CLECL1: variants seen among roughly 807,000 people sequenced by gnomAD.
CLECL1 encodes C-type lectin like 1, also known as C-type lectin-like domain family 1.
At chr12:9,711,063 A>G (rs1591713230), downstream of CLECL1, among the ~76,000 whole-genome samples, 1 of 152,174 alleles carries the variant, frequency 6.6e-6, no homozygotes, top group East Asian at 1.9e-4. Flanking sequence ...GAGCAAAACT[A>G]AAAGAGCACA....
the CLECL1 span, among the ~76,000 whole-genome samples, chr12:9,707,740 C>A: frequency 6.6e-6 from 1 of 152,196 alleles, no homozygotes; most frequent in African/African-American, 2.4e-5. Flanking sequence ...ATGGGGTCTG[C>A]TTTTCTTCCA....
At position 9,716,905 on chromosome 12, in the gene CLECL1, A is replaced by G. The variant is rs1343486059; in HGVS notation, n.153-129T>C. 7 of 420,124 alleles carry G rather than the reference A, an allele frequency of 1.7e-5. No homozygotes were observed. The East Asian group carries it at 3.5e-4, about 21-fold the overall frequency. 26.0% of individuals were successfully genotyped at this position (420,124 alleles called of 1,614,324 possible). A position where few individuals can be genotyped will look rare whatever the true frequency, so the allele number is the denominator to read the frequency against. On this transcript the variant is annotated intron_variant and non_coding_transcript_variant, in intron 2 of 2. Transcript: ENST00000540988. The stretch of plus-strand genomic sequence containing the variant: ...AGACTCCATCTTAGAATCACATGAG[A>G]AGTAAACCACACCCCCACGTCCTTC...
chr12:9,714,168 G>A (rs1866217745), downstream of CLECL1, among the ~76,000 whole-genome samples: 1 of 152,240 alleles, frequency 6.6e-6, no homozygotes, highest in African/African-American at 2.4e-5. Context: ...GGTTGAGCAT[G>A]TAGATGGGGG....
At chr12:9,719,725 G>T (rs1270416916), downstream of CLECL1, among the ~76,000 whole-genome samples, 2 of 152,118 alleles carry the variant, frequency 1.3e-5, no homozygotes, top group Non-Finnish European at 2.9e-5. Context: ...GTGAGATCCT[G>T]TCTCTAAAAA....
downstream of CLECL1, among the ~76,000 whole-genome samples, chr12:9,721,218 CT>C (rs113130897): frequency 2.1e-4 from 31 of 149,680 alleles, no homozygotes; most frequent in East Asian, 3.9e-4. Flanking sequence ...ACTAATAATC[CT>C]TTTTTTTTTC....
At chr12:9,723,606 T>C (rs1452571838) in intron 3 of CLECL1, among the ~76,000 whole-genome samples, 1 of 152,154 alleles carries the variant, frequency 6.6e-6, no homozygotes, top group East Asian at 1.9e-4. Flanking sequence ...TAGTCCCATG[T>C]AGAGTGAGTA....
At chr12:9,729,961 A>G (rs191407757) in intron 1 of CLECL1, among the ~76,000 whole-genome samples, 1 of 152,238 alleles carries the variant, frequency 6.6e-6, no homozygotes, top group Admixed American at 6.5e-5. Context: ...TTTATATAAG[A>G]CTGTGAAACC....
At chr12:9,708,925 T>C in the CLECL1 span, 4 of 266,692 alleles carry the variant, frequency 1.5e-5, no homozygotes, top group South Asian at 2.1e-4. Context: ...CTGGAGTGTA[T>C]CCTGAACCAT....
intron 3 of CLECL1, among the ~76,000 whole-genome samples, chr12:9,725,856 A>G (rs1866372937): frequency 6.6e-6 from 1 of 152,108 alleles, no homozygotes; most frequent in Admixed American, 6.5e-5. Flanking sequence ...ATGAATTCAA[A>G]GGGCAAGGTG....
At chr12:9,727,945 ATTACT>A (rs1226281856) in intron 2 of CLECL1, among the ~76,000 whole-genome samples, 2 of 151,840 alleles carry the variant, frequency 1.3e-5, no homozygotes, top group African/African-American at 4.8e-5. Context: ...AGCTGTCATA[ATTACT>A]TTAATAAGGA....
chr12:9,719,269 G>GT (rs1866278799), downstream of CLECL1, among the ~76,000 whole-genome samples: 1 of 152,230 alleles, frequency 6.6e-6, no homozygotes, highest in Non-Finnish European at 1.5e-5. Context: ...GCTCACGCTT[G>GT]TAATCCCAGT....
chr12:9,727,396 A>G (rs1170342584), intron 3 of CLECL1, among the ~76,000 whole-genome samples: 1 of 151,766 alleles, frequency 6.6e-6, no homozygotes, highest in South Asian at 2.1e-4. Flanking sequence ...GGCCCTTTAC[A>G]TGTTAATATT....
chr12:9,729,909 AG>A (rs1866426325), intron 1 of CLECL1, among the ~76,000 whole-genome samples: 1 of 152,012 alleles, frequency 6.6e-6, no homozygotes, highest in African/African-American at 2.4e-5. Flanking sequence ...TATATTCCCC[AG>A]TATTGATCTT....
At chr12:9,708,406 A>C in the CLECL1 span, among the ~76,000 whole-genome samples, 1 of 152,144 alleles carries the variant, frequency 6.6e-6, no homozygotes, top group African/African-American at 2.4e-5. Flanking sequence ...GGCATACTTG[A>C]GACTCTCTAA....
rs149576867 is a variant in CLECL1 at position 9,717,301 on chromosome 12, C to T, written n.153-525G>A. ...GGCACGCACCTATAATGATGATGGC[C>T]GTAATGAGCAGAAACCCCGTAGTAG... is the stretch of plus-strand genomic sequence containing the variant. On this transcript the variant is annotated intron_variant and non_coding_transcript_variant, in intron 2 of 2. Coordinates refer to the CLECL1 transcript ENST00000540988. Among the ~76,000 whole-genome samples the T allele has an allele frequency of 6.2e-4, 95 of 152,030 alleles. No individual in the cohort carries two copies. The East Asian group carries it at 0.016, about 25-fold the overall frequency.
chr12:9,728,523 G>C (rs1411359012), intron 2 of CLECL1, among the ~76,000 whole-genome samples: 1 of 151,772 alleles, frequency 6.6e-6, no homozygotes, highest in Non-Finnish European at 1.5e-5. Flanking sequence ...GAGTATCCGT[G>C]AACATCGTTG....
At chr12:9,719,816 A>G (rs1050208954), downstream of CLECL1, among the ~76,000 whole-genome samples, 14 of 152,206 alleles carry the variant, frequency 9.2e-5, no homozygotes, top group African/African-American at 2.9e-4. Context: ...CACACTTTAA[A>G]TTCCTGTAAT....
chr12:9,715,147 A>G (rs774051748), downstream of CLECL1, among the ~76,000 whole-genome samples: 1 of 152,314 alleles, frequency 6.6e-6, no homozygotes, highest in Admixed American at 6.5e-5. Flanking sequence ...AAGTAGCCTA[A>G]ATGAATGACA....
At chr12:9,730,179 A>T (rs1866429762) in intron 1 of CLECL1, among the ~76,000 whole-genome samples, 1 of 152,228 alleles carries the variant, frequency 6.6e-6, no homozygotes, top group South Asian at 2.1e-4. Context: ...ACAGTCACAC[A>T]GTTACTTGAG....
Sources: gnomAD v4.1 joint callset for allele counts (sites outside exome capture counted in the v4.1 genomes callset) on GRCh38, gnomAD v4.1.1 for gene constraint, MANE v1.5 for transcripts, NCBI Gene and HGNC (gene_info 2026-07-23, HGNC 2026-07-21) for gene names.